Variants in ZKSCAN1 observed in about 807,000 individuals in gnomAD.
ZKSCAN1 encodes the protein zinc finger with KRAB and SCAN domains 1, also known as zinc finger protein with KRAB and SCAN domains 1.
Under a neutral mutation model 51.6 loss-of-function variants are expected in ZKSCAN1, and 14 were observed. That is an observed-to-expected ratio of 0.27 (90% CI 0.18 to 0.42). The LOEUF (loss-of-function observed/expected upper bound fraction) is 0.42, where lower values mean the gene tolerates loss of function less well. Among genes scored for constraint, ZKSCAN1 ranks in the 10% least tolerant of loss-of-function variants. ZKSCAN1 has a pLI of 1.00. For missense variants in ZKSCAN1, 531 were observed against 710.0 expected (o/e 0.75, Z 2.86); for synonymous variants, 263 against 261.5 (o/e 1.01, Z -0.06).
rs1343213117 is a variant in ZKSCAN1 at position 100,022,592 on chromosome 7, A to T, written c.-88-827A>T. On this transcript the variant is annotated intron_variant, in intron 1 of 5. Transcript: ENST00000324306. ...AAACCACAATTTAACTGCCCAAGTC[A>T]CTCATAAAAATAGCAAAAGTAGCTG... Among the ~76,000 whole-genome samples, 8 of 152,274 alleles carry T rather than the reference A, an allele frequency of 5.3e-5. No individual in the cohort carries two copies. The East Asian group carries it at 1.3e-3, about 26-fold the overall frequency.
In ZKSCAN1 at chr7:100,026,086, G is replaced by A. The variant is rs1355165338; in HGVS notation, c.580+1779G>A. Reference sequence around the variant, plus strand: ...AAATACAAAATTAGCCAGGCCTGGTGGCAGGTGCCTATAATCCCAGCTACT... The same window carrying A: ...AAATACAAAATTAGCCAGGCCTGGTAGCAGGTGCCTATAATCCCAGCTACT... On this transcript the variant is annotated intron_variant, in intron 3 of 5. Coordinates refer to ENST00000324306, the MANE Select transcript of ZKSCAN1 (RefSeq NM_003439.4). 3.3e-5 allele frequency among the ~76,000 whole-genome samples: 5 copies of A among 152,016 alleles called. No individual in the cohort carries two copies. The South Asian group carries it at 8.3e-4, about 25-fold the overall frequency.
intron 5 of ZKSCAN1, among the ~76,000 whole-genome samples, chr7:100,031,253 C>T (rs1007816786): frequency 6.8e-6 from 1 of 146,586 alleles, no homozygotes; most frequent in Admixed American, 6.8e-5. Context: ...TCTCTTGGTA[C>T]TTGCTCTTTG....
rs181845284 is a variant in ZKSCAN1, at chr7:100,034,517, C to G, written c.*320C>G. 13 of 1,052,162 alleles carry G rather than the reference C, an allele frequency of 1.2e-5. No homozygotes were observed. The highest frequency in any genetic ancestry group is 8.8e-4 in the Middle Eastern group (2 of 2,266). The allele number at this position is 1,052,162 out of a possible 1,614,324, so 65.2% of individuals were successfully genotyped here. On this transcript the variant is annotated 3_prime_UTR_variant, in exon 6 of 6. Transcript: ENST00000324306. ...TACCTTTAAGGCACTCTTGGACTCTCGGCAACCACAACATAATAGTTGAAA... is the reference window on the plus strand; with the variant it reads ...TACCTTTAAGGCACTCTTGGACTCTGGGCAACCACAACATAATAGTTGAAA...
At chr7:100,043,666 T>C (rs745639739), downstream of ZKSCAN1, among the ~76,000 whole-genome samples, 39 of 152,042 alleles carry the variant, frequency 2.6e-4, no homozygotes, top group Middle Eastern at 6.8e-3. Flanking sequence ...TGAGCCACCA[T>C]GCAAGGGCCT....
Position 100,037,227 on chromosome 7 carries a change from T to C in ZKSCAN1, c.*3030T>C. ...TGAAGTCTGTTAACAGTTGAAACAT[T>C]CTACAGTTAACCATTAGCATGCTAG... On this transcript the variant is annotated 3_prime_UTR_variant, in exon 6 of 6. Coordinates refer to ENST00000324306, the MANE Select transcript of ZKSCAN1 (RefSeq NM_003439.4). The C allele has an allele frequency of 1.0e-6, 1 of 985,418 alleles. No homozygotes were observed. The highest frequency in any genetic ancestry group is 4.7e-5 in the South Asian group (1 of 21,284). The allele number at this position is 985,418 out of a possible 1,614,324, so 61.0% of individuals were successfully genotyped here. A position where few individuals can be genotyped will look rare whatever the true frequency, so the allele number is the denominator to read the frequency against.
chr7:100,030,218 G>A, intron 4 of ZKSCAN1, 31 bp from the exon 5 acceptor site: 1 of 1,606,918 alleles, frequency 6.2e-7, no homozygotes, highest in Non-Finnish European at 8.5e-7. Context: ...GAGTTTGGGG[G>A]GAAATGACTG....
chr7:100,026,230 C>CAAAAAA (rs58408632), intron 3 of ZKSCAN1, among the ~76,000 whole-genome samples: 5 of 47,258 alleles, frequency 1.1e-4, no homozygotes, highest in Middle Eastern at 0.012. Flanking sequence ...AAACTCATCT[C>CAAAAAA]AAAAAAAAAA....
rs992122760 is a variant in ZKSCAN1 at position 100,040,150 on chromosome 7, A to T, written c.*5953A>T. On this transcript the variant is annotated 3_prime_UTR_variant, in exon 6 of 6. Coordinates refer to ENST00000324306, the MANE Select transcript of ZKSCAN1 (RefSeq NM_003439.4). ...CATCTCCAACTCTGCAGGTCAAACG[A>T]AAGTTTGGGAAATACTTTTGACATC... 1 of 985,266 alleles carries T rather than the reference A, an allele frequency of 1.0e-6. No individual in the cohort carries two copies. The highest frequency in any genetic ancestry group is 1.2e-6 in the Non-Finnish European group (1 of 829,772). The allele number at this position is 985,266 out of a possible 1,614,324, so 61.0% of individuals were successfully genotyped here. A position where few individuals can be genotyped will look rare whatever the true frequency, so the allele number is the denominator to read the frequency against.
intron 1 of ZKSCAN1, among the ~76,000 whole-genome samples, chr7:100,016,622 T>G (rs1790377129): frequency 6.6e-6 from 1 of 152,190 alleles, no homozygotes; most frequent in Admixed American, 6.6e-5. Flanking sequence ...AATTGAAGAA[T>G]TAACTACAGT....
chr7:100,017,670 G>A (rs906399203), intron 1 of ZKSCAN1, among the ~76,000 whole-genome samples: 1 of 152,174 alleles, frequency 6.6e-6, no homozygotes, highest in East Asian at 1.9e-4. Flanking sequence ...GCTGCTGGAG[G>A]TAATTTTATT....
At position 100,039,577 on chromosome 7, in the gene ZKSCAN1, C is replaced by G. The variant is rs1791509491; in HGVS notation, c.*5380C>G. The G allele has an allele frequency of 4.1e-6, 4 of 985,236 alleles. No homozygotes were observed. Among genetic ancestry groups the G allele is most frequent in the African/African-American group, 1.7e-5 (1 of 57,200 alleles). The allele number at this position is 985,236 out of a possible 1,614,324, so 61.0% of individuals were successfully genotyped here. A position where few individuals can be genotyped will look rare whatever the true frequency, so the allele number is the denominator to read the frequency against. ...GAAAGAATCTTTTTTTAATTTTTAT[C>G]CTAGAGTCAGTCACTTTTATTCCAG... On this transcript the variant is annotated 3_prime_UTR_variant, in exon 6 of 6. Coordinates refer to ENST00000324306, the MANE Select transcript of ZKSCAN1 (RefSeq NM_003439.4).
At chr7:100,028,792 A>AT (rs1790960380) in intron 3 of ZKSCAN1, among the ~76,000 whole-genome samples, 1 of 129,286 alleles carries the variant, frequency 7.7e-6, no homozygotes, top group African/African-American at 2.7e-5. Flanking sequence ...CATACATCTT[A>AT]TCAAAAAAAA....
chr7:100,025,709 T>G (rs1334608460), intron 3 of ZKSCAN1, among the ~76,000 whole-genome samples: 1 of 152,250 alleles, frequency 6.6e-6, no homozygotes, highest in Admixed American at 6.5e-5. Context: ...TACAGTATGT[T>G]ACTGTACTAA....
rs191279234 is a variant in ZKSCAN1 at position 100,018,295 on chromosome 7, G to T, written c.-89+2569G>T. Reference sequence around the variant, plus strand: ...AGTCAAGTGTATTTTTGAAACTGAGGCTTGCAAGGAATCATGCTAAGTGGT... The same window carrying T: ...AGTCAAGTGTATTTTTGAAACTGAGTCTTGCAAGGAATCATGCTAAGTGGT... On this transcript the variant is annotated intron_variant, in intron 1 of 5. Transcript: ENST00000324306. 2.1e-3 allele frequency among the ~76,000 whole-genome samples: 323 copies of T among 152,290 alleles called. 1 individual carries two copies. The highest frequency in any genetic ancestry group is 7.4e-3 in the African/African-American group (308 of 41,574).
chr7:100,024,074 A>G (rs2115855527), intron 2 of ZKSCAN1, 80 bp from the exon 3 acceptor site: 2 of 1,538,028 alleles, frequency 1.3e-6, no homozygotes, highest in East Asian at 2.3e-5. Context: ...ATCCACTGGC[A>G]TACTCATGGT....
At chr7:100,032,940 G>A (rs1013951284) in intron 5 of ZKSCAN1, among the ~76,000 whole-genome samples, 7 of 151,780 alleles carry the variant, frequency 4.6e-5, no homozygotes, top group African/African-American at 1.2e-4. Context: ...CCTGGGAGGC[G>A]GAGCTTGCAG....
At position 100,041,029 on chromosome 7, in the gene ZKSCAN1, T is replaced by C. The variant is rs1204423297; in HGVS notation, c.*6832T>C. ...CAGTAATTATTTTAAAATGAACATA[T>C]GTATTTTTATTAACTTTTAGTTAAA... is the stretch of plus-strand genomic sequence containing the variant. On this transcript the variant is annotated 3_prime_UTR_variant, in exon 6 of 6. Coordinates refer to ENST00000324306, the MANE Select transcript of ZKSCAN1 (RefSeq NM_003439.4). The C allele has an allele frequency of 3.8e-5, 37 of 983,488 alleles. No individual in the cohort carries two copies. Among genetic ancestry groups the C allele is most frequent in the East Asian group, 1.1e-4 (1 of 8,820 alleles). The allele number at this position is 983,488 out of a possible 1,614,324, so 60.9% of individuals were successfully genotyped here. A position where few individuals can be genotyped will look rare whatever the true frequency, so the allele number is the denominator to read the frequency against.
chr7:100,021,550 A>C (rs1790587734), intron 1 of ZKSCAN1, among the ~76,000 whole-genome samples: 1 of 152,068 alleles, frequency 6.6e-6, no homozygotes. Flanking sequence ...CCCTTTCTTC[A>C]CACTTTCTTT....
chr7:100,018,989 G>A (rs559197750), intron 1 of ZKSCAN1, among the ~76,000 whole-genome samples: 1 of 152,210 alleles, frequency 6.6e-6, no homozygotes, highest in Non-Finnish European at 1.5e-5. Flanking sequence ...AATAGCTAAG[G>A]CAGGATAAAA....
Sources: allele counts gnomAD v4.1 joint callset (sites outside exome capture counted in the v4.1 genomes callset), GRCh38; gene constraint gnomAD v4.1.1; transcripts MANE v1.5; gene names NCBI Gene and HGNC (gene_info 2026-07-23, HGNC 2026-07-21).